The following ATM variants were observed in gnomAD, a reference collection of about 807,000 sequenced individuals.
ATM encodes the protein serine-protein kinase ATM.
Under a neutral mutation model 387.0 loss-of-function variants are expected in ATM, and 308 were observed. The ratio of observed to expected loss-of-function variants is 0.80; its 90% CI spans 0.73 to 0.87. The LOEUF is 0.87. ATM is among the 40% of genes least tolerant of loss of function. The pLI, the probability that ATM is intolerant of heterozygous loss-of-function variation, is 0.00. For synonymous variants in ATM, 1,156 were observed against 1,187.3 expected (o/e 0.97, Z 0.54); for missense variants, 3,312 against 3,560.9 (o/e 0.93, Z 1.78).
intron 29 of ATM, chr11:108,290,036 T>G (rs2082701101): frequency 2.4e-6 from 1 of 424,988 alleles, no homozygotes; most frequent in African/African-American, 2.0e-5. Context: ...TTTTTGTGTT[T>G]TTTGTAGAGG....
intron 43 of ATM, among the ~76,000 whole-genome samples, chr11:108,318,213 T>C (rs940112084): frequency 4.0e-5 from 6 of 151,754 alleles, no homozygotes; most frequent in African/African-American, 1.5e-4. Context: ...ATACAAAAAA[T>C]TAGCCAGGCG....
intron 5 of ATM, 45 bp from the exon 6 acceptor site, chr11:108,243,908 T>C (rs2135220132): frequency 6.8e-7 from 1 of 1,477,002 alleles, no homozygotes; most frequent in Middle Eastern, 2.1e-4. Context: ...TAATACATTT[T>C]GATTTTTAAA....
Position 108,245,821 on chromosome 11 carries a change from CTTT to C in ATM, c.901+814_901+816del, listed in dbSNP as rs369306448. On this transcript the variant is annotated intron_variant, in intron 7 of 62. Transcript: ENST00000675843. ...TAATGGAGGAAATGTCTTGTAGCCA[CTTT>C]TTTTTTTTTTTTTTTTTTGAGACAG... Among the ~76,000 whole-genome samples, 9 of 129,864 alleles carry C rather than the reference CTTT, an allele frequency of 6.9e-5. No individual in the cohort carries two copies. In the East Asian group the frequency reaches 1.3e-3, roughly 19 times the overall value. 85.2% of individuals were successfully genotyped at this position (129,864 alleles called of 152,430 possible).
At chr11:108,326,610 A>G (rs1249175989) in intron 47 of ATM, among the ~76,000 whole-genome samples, 2 of 152,226 alleles carry the variant, frequency 1.3e-5, no homozygotes, top group East Asian at 3.8e-4. Flanking sequence ...TGGGACAATT[A>G]GGTTGTCAAT....
intron 59 of ATM, among the ~76,000 whole-genome samples, chr11:108,349,186 T>C (rs534805373): frequency 6.6e-6 from 1 of 152,270 alleles, no homozygotes; most frequent in Admixed American, 6.5e-5. Flanking sequence ...AAATCTTTTA[T>C]GAAAGAAGTA....
At chr11:108,281,761 C>A (rs1478378219) in intron 24 of ATM, among the ~76,000 whole-genome samples, 2 of 152,116 alleles carry the variant, frequency 1.3e-5, no homozygotes, top group African/African-American at 4.8e-5. Context: ...TGATATTATG[C>A]CAGTTAACAT....
intron 9 of ATM, among the ~76,000 whole-genome samples, chr11:108,249,743 C>G (rs73006275): frequency 2.4e-4 from 36 of 152,248 alleles, no homozygotes; most frequent in Non-Finnish European, 4.1e-4. Flanking sequence ...TAGTCAAACT[C>G]GTGATCAGTG....
At chr11:108,247,271 A>G (rs1459418204) in intron 8 of ATM, 144 bp downstream of exon 8, 1 of 751,196 alleles carries the variant, frequency 1.3e-6, no homozygotes, top group African/African-American at 1.8e-5. Context: ...TCAAACTATC[A>G]GAAATATTTG....
In ATM at chr11:108,257,490, C is replaced by A. The variant is rs3205809; in HGVS notation, c.2260C>A (p.Gln754Lys). ...ELFQKAKSLM[Q>K]CAGESITLFK... ...CTTCTATTCACAATAGTCTCTAATGCAATGTGCAGGAGAAAGTATCACTCT... is the reference window on the plus strand; with the variant it reads ...CTTCTATTCACAATAGTCTCTAATGAAATGTGCAGGAGAAAGTATCACTCT... The change falls in exon 15 of 63, where the codon CAA becomes AAA. Residue 754 changes from glutamine (Q) to lysine (K), a missense_variant. Around this residue, in one of 4 missense-constraint regions of ATM, gnomAD observed 1,791 missense variants for 1,804.5 expected, o/e 0.99. Coordinates refer to ENST00000675843, the MANE Select transcript of ATM (RefSeq NM_000051.4). 28 of 1,613,044 alleles carry A rather than the reference C, an allele frequency of 1.7e-5. No homozygotes were observed. Among genetic ancestry groups the A allele is most frequent in the Non-Finnish European group, 2.3e-5 (27 of 1,179,638 alleles).
chr11:108,264,170 C>G (rs1289105935), intron 16 of ATM, among the ~76,000 whole-genome samples: 2 of 151,930 alleles, frequency 1.3e-5, no homozygotes, highest in African/African-American at 4.8e-5. Context: ...CAGGCAGAGA[C>G]ACAACCAAAA....
chr11:108,299,529 T>G (rs935433986), intron 33 of ATM, 185 bp from the exon 34 acceptor site: 14 of 530,842 alleles, frequency 2.6e-5, no homozygotes, highest in Non-Finnish European at 4.1e-5. Context: ...ACTCCTGACC[T>G]CAGGTGATCC....
intron 61 of ATM, among the ~76,000 whole-genome samples, chr11:108,359,232 A>G (rs1358720317): frequency 2.6e-5 from 4 of 151,618 alleles, no homozygotes; most frequent in South Asian, 2.1e-4. Context: ...GATCAATTCA[A>G]CAAGAAGAGC....
At chr11:108,230,060 G>A (rs2078934983) in intron 4 of ATM, 1 of 152,104 alleles carries the variant, frequency 6.6e-6, no homozygotes, top group South Asian at 2.1e-4. Flanking sequence ...AGGTAGAAGT[G>A]CAGTCTTCAT....
intron 29 of ATM, among the ~76,000 whole-genome samples, chr11:108,291,230 C>T (rs985132552): frequency 2.7e-4 from 41 of 151,834 alleles, no homozygotes; most frequent in African/African-American, 8.4e-4. Flanking sequence ...AGCAAGACTC[C>T]GTCTCAAGAA....
At chr11:108,306,996 T>C (rs985561554) in intron 37 of ATM, among the ~76,000 whole-genome samples, 1 of 152,128 alleles carries the variant, frequency 6.6e-6, no homozygotes, top group African/African-American at 2.4e-5. Context: ...GCTCCATGAT[T>C]TAGCACAGTT....
At chr11:108,262,493 TGGAAA>T (rs1267627685) in intron 16 of ATM, among the ~76,000 whole-genome samples, 1 of 152,136 alleles carries the variant, frequency 6.6e-6, no homozygotes, top group Non-Finnish European at 1.5e-5. Flanking sequence ...GCATTAAACA[TGGAAA>T]GGAACAACCG....
intron 5 of ATM, among the ~76,000 whole-genome samples, chr11:108,240,393 A>C (rs554403714): frequency 2.0e-5 from 3 of 152,118 alleles, no homozygotes; most frequent in Non-Finnish European, 4.4e-5. Context: ...CCAGCATGTC[A>C]TATACAGTTG....
intron 61 of ATM, among the ~76,000 whole-genome samples, chr11:108,360,545 C>T (rs1016635832): frequency 4.3e-5 from 6 of 139,166 alleles, no homozygotes; most frequent in Admixed American, 1.5e-4. Context: ...CAAAAATCCT[C>T]AATAAAATAC....
chr11:108,271,990 A>T (rs2081610000), intron 20 of ATM, among the ~76,000 whole-genome samples: 3 of 152,198 alleles, frequency 2.0e-5, no homozygotes, highest in African/African-American at 7.2e-5. Flanking sequence ...GTCCTGCCTC[A>T]GCCTCCTGAG....
Sources: allele counts gnomAD v4.1 joint callset (sites outside exome capture counted in the v4.1 genomes callset), GRCh38; gene constraint gnomAD v4.1.1; regional missense constraint gnomAD v4.1.1; transcripts MANE v1.5; gene names NCBI Gene and HGNC (gene_info 2026-07-23, HGNC 2026-07-21).